SYTL3: variants seen among roughly 807,000 people sequenced by gnomAD.
The protein encoded by SYTL3 is synaptotagmin-like protein 3.
In SYTL3, 88 loss-of-function variants were observed where a neutral mutation model predicts 82.1. The ratio of observed to expected loss-of-function variants is 1.07; its 90% CI spans 0.90 to 1.28. The LOEUF is 1.28. Ranked by LOEUF, SYTL3 falls within the 50% of genes most tolerant of loss-of-function variation. SYTL3 has a pLI of 0.00. For synonymous variants in SYTL3, 311 were observed against 289.4 expected, an observed-to-expected ratio of 1.07 and a Z score of -0.76; for missense variants, 831 against 757.6, an observed-to-expected ratio of 1.10 and a Z score of -1.14.
At chr6:158,671,801 T>A (rs1241679491) in intron 5 of SYTL3, among the ~76,000 whole-genome samples, 1 of 152,076 alleles carries the variant, frequency 6.6e-6, no homozygotes, top group African/African-American at 2.4e-5. Flanking sequence ...TATATTTTTA[T>A]AATTATTATC....
chr6:158,657,425 CAAAAAA>C lies in SYTL3; in HGVS notation c.-636-3828_-636-3823del, dbSNP rs535361947. 7.5e-5 allele frequency among the ~76,000 whole-genome samples: 6 copies of C among 80,116 alleles called. 1 individual carries two copies. The highest frequency in any genetic ancestry group is 1.2e-4 in the Non-Finnish European group (5 of 41,898). The allele number at this position is 80,116 out of a possible 152,430, so 52.6% of individuals were successfully genotyped here. A position where few individuals can be genotyped will look rare whatever the true frequency, so the allele number is the denominator to read the frequency against. ...TGGGTGGCAGAGCGAGACTCTGGCT[CAAAAAA>C]AAAAAAAAAAAAAAAGAGAGAAAAA... On this transcript the variant is annotated intron_variant, in intron 2 of 17. Transcript: ENST00000611299.
At chr6:158,684,266 G>A (rs1406161587) in intron 6 of SYTL3, among the ~76,000 whole-genome samples, 2 of 152,168 alleles carry the variant, frequency 1.3e-5, no homozygotes, top group Non-Finnish European at 2.9e-5. Flanking sequence ...GCCCAAGTTG[G>A]GGGACGTGAT....
At chr6:158,719,443 G>A (rs1015255553) in intron 10 of SYTL3, among the ~76,000 whole-genome samples, 4 of 152,182 alleles carry the variant, frequency 2.6e-5, no homozygotes, top group Non-Finnish European at 4.4e-5. Context: ...CGGGGTGGAC[G>A]TGAGATGAGG....
At chr6:158,646,419 C>A (rs1787464581), upstream of SYTL3, among the ~76,000 whole-genome samples, 1 of 152,230 alleles carries the variant, frequency 6.6e-6, no homozygotes, top group African/African-American at 2.4e-5. Context: ...ATCCTCCAGC[C>A]TCAGCCTCCC....
At chr6:158,662,055 T>C (rs1789438168) in intron 3 of SYTL3, among the ~76,000 whole-genome samples, 3 of 152,228 alleles carry the variant, frequency 2.0e-5, no homozygotes. Flanking sequence ...AAGGAAATGC[T>C]ACCTTAGAGC....
At chr6:158,676,354 G>A (rs1428067908) in intron 5 of SYTL3, among the ~76,000 whole-genome samples, 1 of 152,128 alleles carries the variant, frequency 6.6e-6, no homozygotes, top group Non-Finnish European at 1.5e-5. Context: ...CTAGCCATAT[G>A]TAGAAAGCTG....
chr6:158,702,620 G>T (rs188421966), intron 6 of SYTL3, among the ~76,000 whole-genome samples: 119 of 152,028 alleles, frequency 7.8e-4, no homozygotes, highest in Admixed American at 1.4e-3. Context: ...GTTTCCCCCC[G>T]GCTTTGTATT....
At chr6:158,674,166 TTCTTTC>T (rs1777764213) in intron 5 of SYTL3, among the ~76,000 whole-genome samples, 1 of 151,958 alleles carries the variant, frequency 6.6e-6, no homozygotes, top group Non-Finnish European at 1.5e-5. Flanking sequence ...TAATGTCTTT[TTCTTTC>T]TCTTTCACAT....
intron 13 of SYTL3, among the ~76,000 whole-genome samples, chr6:158,754,220 T>C (rs560400079): frequency 1.4e-4 from 21 of 152,322 alleles, no homozygotes; most frequent in African/African-American, 4.8e-4. Flanking sequence ...AGAGTACTTC[T>C]TGGCAAGCCT....
chr6:158,702,138 A>G (rs1781376930), intron 6 of SYTL3, among the ~76,000 whole-genome samples: 1 of 151,772 alleles, frequency 6.6e-6, no homozygotes, highest in South Asian at 2.1e-4. Flanking sequence ...ACATGCCACC[A>G]TGCCCAGCTC....
chr6:158,676,672 T>G (rs1373268451), intron 5 of SYTL3, among the ~76,000 whole-genome samples: 1 of 152,154 alleles, frequency 6.6e-6, no homozygotes, highest in East Asian at 1.9e-4. Context: ...AAAGGGCTAA[T>G]ATCCAGAATC....
intron 16 of SYTL3, 77 bp downstream of exon 16, chr6:158,762,255 A>G (rs984579763): frequency 9.5e-7 from 1 of 1,057,064 alleles, no homozygotes; most frequent in Admixed American, 2.4e-5. Context: ...TGCAGCGAAC[A>G]CTAAAAAACG....
chr6:158,713,852 T>A lies in SYTL3; in HGVS notation c.569T>A (p.Phe190Tyr), dbSNP rs1783041625. 11 of 1,550,816 alleles carry A rather than the reference T, an allele frequency of 7.1e-6. No individual in the cohort carries two copies. Among genetic ancestry groups the A allele is most frequent in the Non-Finnish European group, 9.6e-6 (11 of 1,146,866 alleles). The change falls in exon 9 of 18, where the codon TTT becomes TAT. Residue 190 changes from phenylalanine (F) to tyrosine (Y), a missense_variant. By Grantham distance (22) the Phe-to-Tyr change is conservative. Transcript: ENST00000611299. ...TTTAATAAGTCCGTGGAAAATTTGT[T>A]TCTGTCTCTTGCTACCCACGTGAAA... is the stretch of plus-strand genomic sequence containing the variant. ...RGFNKSVENLFLSLATHVKKL... is the reference protein window; with the variant it reads ...RGFNKSVENLYLSLATHVKKL...
intron 2 of SYTL3, among the ~76,000 whole-genome samples, chr6:158,655,715 G>A (rs901169459): frequency 2.0e-5 from 3 of 152,176 alleles, no homozygotes; most frequent in Admixed American, 6.5e-5. Context: ...GCATCAGCAC[G>A]TTTCGTCATC....
chr6:158,705,581 G>T (rs1014387244), intron 6 of SYTL3, among the ~76,000 whole-genome samples: 7 of 142,858 alleles, frequency 4.9e-5, no homozygotes, highest in Admixed American at 3.5e-4. Flanking sequence ...GGACCTGGGG[G>T]CAGGGTAACA....
At position 158,713,890 on chromosome 6, in the gene SYTL3, C is replaced by T. The variant is rs1583336097; in HGVS notation, c.595+12C>T. On this transcript the variant is annotated intron_variant, in intron 9 of 17. Transcript: ENST00000611299. ...TACCCACGTGAAAAGTAAGTGCATG[C>T]TTCATGATGTGTTTTCCCACTACCT... 2 of 1,542,640 alleles carry T rather than the reference C, an allele frequency of 1.3e-6. No homozygotes were observed. The highest frequency in any genetic ancestry group is 4.9e-5 in the East Asian group (2 of 40,874).
Position 158,727,376 on chromosome 6 carries a change from G to C in SYTL3, c.855+1739G>C, listed in dbSNP as rs191073634. ...TAGTAGAGATGAGTTTCACCACGTT[G>C]GCCAGGCTGGTCTCGAACTCTTGAC... On this transcript the variant is annotated intron_variant, in intron 11 of 17. Coordinates refer to ENST00000611299, the MANE Select transcript of SYTL3 (RefSeq NM_001242394.2). 4.5e-3 allele frequency among the ~76,000 whole-genome samples: 688 copies of C among 151,486 alleles called. 5 individuals carry two copies. The highest frequency in any genetic ancestry group is 6.9e-3 in the Middle Eastern group (2 of 290).
intron 15 of SYTL3, among the ~76,000 whole-genome samples, chr6:158,761,323 G>C: frequency 3.2e-5 from 1 of 31,344 alleles, no homozygotes; most frequent in Admixed American, 2.1e-4. Context: ...TTTTTTTTGA[G>C]ACAGAGTTTT....
chr6:158,650,704 A>C (rs1451687626), intron 1 of SYTL3, among the ~76,000 whole-genome samples: 1 of 151,898 alleles, frequency 6.6e-6, no homozygotes, highest in Non-Finnish European at 1.5e-5. Flanking sequence ...GTACTTTGGG[A>C]GGCCAAGGTG....
Sources: gnomAD v4.1 joint callset for allele counts (sites outside exome capture counted in the v4.1 genomes callset) on GRCh38, gnomAD v4.1.1 for gene constraint, MANE v1.5 for transcripts, NCBI Gene and HGNC (gene_info 2026-07-23, HGNC 2026-07-21) for gene names.